NCALD: variants seen among roughly 807,000 people sequenced by gnomAD.
NCALD encodes the protein neurocalcin delta, also known as neurocalcin-delta.
NCALD carries 10 observed loss-of-function variants against 18.6 expected under a neutral mutation model. The ratio of observed to expected loss-of-function variants is 0.54; its 90% CI spans 0.33 to 0.91. NCALD has a LOEUF of 0.91. NCALD is among the 40% of genes least tolerant of loss of function. NCALD has a pLI of 0.03. For synonymous variants in NCALD, 88 were observed against 87.4 expected (o/e 1.01, Z -0.04); for missense variants, 184 against 247.6 (o/e 0.74, Z 1.72).
chr8:101,894,320 C>T (rs1471641620), intron 3 of NCALD, among the ~76,000 whole-genome samples: 1 of 125,768 alleles, frequency 8.0e-6, no homozygotes, highest in Non-Finnish European at 1.6e-5. Context: ...CCAACGAGAA[C>T]AAAGACACAA....
At chr8:101,739,488 T>A (rs1160397001) in intron 1 of NCALD, among the ~76,000 whole-genome samples, 1 of 152,126 alleles carries the variant, frequency 6.6e-6, no homozygotes, top group East Asian at 1.9e-4. Flanking sequence ...AGATTAACAT[T>A]TGAGTCAGTG....
At chr8:102,037,845 C>T (rs557135411) in intron 1 of NCALD, among the ~76,000 whole-genome samples, 1 of 152,160 alleles carries the variant, frequency 6.6e-6, no homozygotes, top group Non-Finnish European at 1.5e-5. Flanking sequence ...GTAGGGTTTG[C>T]TTTCATGAAG....
chr8:101,717,317 C>A (rs1326321616), intron 2 of NCALD, among the ~76,000 whole-genome samples: 1 of 152,188 alleles, frequency 6.6e-6, no homozygotes, highest in East Asian at 1.9e-4. Context: ...ACTTGGAGTC[C>A]TATACCCCAT....
intron 4 of NCALD, among the ~76,000 whole-genome samples, chr8:101,867,267 T>C (rs1330436973): frequency 6.6e-6 from 1 of 152,186 alleles, no homozygotes; most frequent in Non-Finnish European, 1.5e-5. Flanking sequence ...CTAGTTTTTT[T>C]CCCCTTAGCA....
At chr8:102,035,920 T>G (rs553614057) in intron 1 of NCALD, among the ~76,000 whole-genome samples, 1 of 152,204 alleles carries the variant, frequency 6.6e-6, no homozygotes, top group East Asian at 1.9e-4. Flanking sequence ...ATATTGTCGC[T>G]ATAGAAACAT....
intron 1 of NCALD, among the ~76,000 whole-genome samples, chr8:102,040,624 A>G (rs1179085213): frequency 6.6e-6 from 1 of 152,162 alleles, no homozygotes; most frequent in African/African-American, 2.4e-5. Flanking sequence ...ATGGGGGAAA[A>G]CAGGCAAGAA....
Position 101,719,411 on chromosome 8 carries a change from A to G in NCALD, c.219T>C (p.Asp73=), listed in dbSNP as rs1003219647. 1.9e-6 allele frequency: 3 copies of G among 1,614,210 alleles called. No homozygotes were observed. In the East Asian group the frequency reaches 6.7e-5, roughly 36 times the overall value. The change falls in exon 2 of 4, where the codon GAT becomes GAC. Residue 73 remains aspartate (D), a synonymous_variant. Coordinates refer to ENST00000220931, the MANE Select transcript of NCALD (RefSeq NM_032041.3). ...KFAEHVFRTF[D]ANGDGTIDFR... ...AGTCTATTGTCCCATCTCCATTTGC[A>G]TCGAAGGTGCGGAAGACATGCTCTG...
chr8:101,912,312 GATC>G (rs140108320), intron 3 of NCALD, among the ~76,000 whole-genome samples: 14,477 of 152,008 alleles, frequency 0.095, 760 homozygotes, highest in East Asian at 0.18. Context: ...TTGAAAATGA[GATC>G]ATGTTATTTG....
intron 4 of NCALD, among the ~76,000 whole-genome samples, chr8:101,816,751 C>A (rs1046723972): frequency 6.6e-6 from 1 of 152,138 alleles, no homozygotes; most frequent in Non-Finnish European, 1.5e-5. Flanking sequence ...TTTGTCCAAA[C>A]CCATAGAATG....
intron 4 of NCALD, among the ~76,000 whole-genome samples, chr8:101,834,946 C>G: frequency 6.6e-6 from 1 of 152,198 alleles, no homozygotes; most frequent in East Asian, 1.9e-4. Context: ...CTGGACCTGC[C>G]TCTGCAGCTC....
chr8:101,864,707 G>C (rs1434061387), intron 4 of NCALD, among the ~76,000 whole-genome samples: 1 of 149,972 alleles, frequency 6.7e-6, no homozygotes, highest in Non-Finnish European at 1.5e-5. Context: ...CGATTCTTCT[G>C]TCTCAGCCTC....
chr8:101,969,399 A>G (rs149155171), intron 2 of NCALD, among the ~76,000 whole-genome samples: 18 of 152,282 alleles, frequency 1.2e-4, no homozygotes, highest in Admixed American at 3.3e-4. Context: ...CCCTCAGTCT[A>G]TTACCCCACA....
chr8:101,742,915 C>G (rs762056270), intron 1 of NCALD, among the ~76,000 whole-genome samples: 10 of 152,092 alleles, frequency 6.6e-5, no homozygotes, highest in Non-Finnish European at 1.0e-4. Flanking sequence ...TGAGTTAGAA[C>G]ATGTGGTGTT....
At position 101,877,071 on chromosome 8, in the gene NCALD, A is replaced by G. The variant is rs192790882; in HGVS notation, c.-20+10070T>C. 5.0e-3 allele frequency among the ~76,000 whole-genome samples: 764 copies of G among 152,348 alleles called. 4 individuals are homozygous for G. The highest frequency in any genetic ancestry group is 8.2e-3 in the Non-Finnish European group (556 of 68,028). On this transcript the variant is annotated intron_variant, in intron 4 of 6. Coordinates refer to the NCALD transcript ENST00000311028. ...AAGTAAAAAATAAACGAATTAATAA[A>G]TAACATTCTTTCCCTGAAATGTCTC... is the stretch of plus-strand genomic sequence containing the variant.
intron 1 of NCALD, among the ~76,000 whole-genome samples, chr8:101,767,191 C>G (rs1275435163): frequency 6.6e-6 from 1 of 152,086 alleles, no homozygotes. Flanking sequence ...GTTTGGTTAT[C>G]TGTAAAGTCA....
At chr8:101,726,164 G>A (rs1043903355) in intron 1 of NCALD, among the ~76,000 whole-genome samples, 11 of 152,202 alleles carry the variant, frequency 7.2e-5, no homozygotes, top group South Asian at 2.1e-4. Flanking sequence ...ACCATCATGA[G>A]GGACCAGGTG....
chr8:101,753,360 T>G (rs1437499410), intron 1 of NCALD, among the ~76,000 whole-genome samples: 1 of 152,170 alleles, frequency 6.6e-6, no homozygotes, highest in Non-Finnish European at 1.5e-5. Flanking sequence ...AGAGGTATTT[T>G]TAAGGTAGAA....
intron 1 of NCALD, among the ~76,000 whole-genome samples, chr8:102,099,836 G>T (rs1412202774): frequency 6.6e-6 from 1 of 151,750 alleles, no homozygotes; most frequent in East Asian, 1.9e-4. Context: ...AATTACCAAA[G>T]CAGTGCACAC....
intron 4 of NCALD, among the ~76,000 whole-genome samples, chr8:101,870,296 A>G (rs2131401777): frequency 6.6e-6 from 1 of 152,330 alleles, no homozygotes. Flanking sequence ...CAGAGAATGG[A>G]CAGAACAAAT....
Sources: allele counts gnomAD v4.1 joint callset (sites outside exome capture counted in the v4.1 genomes callset), GRCh38; gene constraint gnomAD v4.1.1; transcripts MANE v1.5; gene names NCBI Gene and HGNC (gene_info 2026-07-23, HGNC 2026-07-21).